ABAT: variants seen among roughly 807,000 people sequenced by gnomAD.
The protein encoded by ABAT is 4-aminobutyrate aminotransferase, mitochondrial.
Under a neutral mutation model 64.6 loss-of-function variants are expected in ABAT, and 45 were observed. The ratio of observed to expected loss-of-function variants is 0.70; its 90% CI spans 0.55 to 0.89. The LOEUF (loss-of-function observed/expected upper bound fraction) is 0.89. ABAT is among the 40% of genes least tolerant of loss of function. The pLI is 0.00. For synonymous variants in ABAT, 297 were observed against 250.5 expected (o/e 1.19, Z -1.75); for missense variants, 633 against 658.4 (o/e 0.96, Z 0.42).
chr16:8,768,666 A>G (rs1164533348), intron 10 of ABAT, among the ~76,000 whole-genome samples, 159 bp from the exon 11 acceptor site: 1 of 152,184 alleles, frequency 6.6e-6, no homozygotes, highest in African/African-American at 2.4e-5. Flanking sequence ...ACCCAGAAAA[A>G]TTAAAAATTA....
chr16:8,738,016 G>GA (rs377342959), intron 2 of ABAT, among the ~76,000 whole-genome samples: 1 of 57,680 alleles, frequency 1.7e-5, no homozygotes, highest in African/African-American at 6.7e-5. Context: ...AAGAAAGAAA[G>GA]GAAAGAAAGA....
rs1489633416 is a variant in ABAT, at chr16:8,768,853, C to A, written c.696C>A (p.Ala232=). The change falls in exon 11 of 16, where the codon GCC becomes GCA. Residue 232 remains alanine (A), a synonymous_variant. Transcript: ENST00000268251. The part of the protein sequence containing the change: ...MGCLATTHSK[A]IHKIDIPSFD... ...GCTTAGCGACCACGCACTCTAAAGC[C>A]ATTCACAAGATCGACATCCCTTCCT... 1 of 1,614,216 alleles carries A rather than the reference C, an allele frequency of 6.2e-7. No homozygotes were observed. The highest frequency in any genetic ancestry group is 1.7e-5 in the Admixed American group (1 of 60,014).
chr16:8,704,018 T>A (rs1476977717), intron 1 of ABAT, among the ~76,000 whole-genome samples: 1 of 152,218 alleles, frequency 6.6e-6, no homozygotes, highest in Non-Finnish European at 1.5e-5. Flanking sequence ...TTCCTGGCCT[T>A]CCAGAAATTT....
chr16:8,724,757 A>G (rs2058489141), intron 1 of ABAT, among the ~76,000 whole-genome samples: 2 of 129,662 alleles, frequency 1.5e-5, no homozygotes, highest in East Asian at 4.1e-4. Flanking sequence ...AAAAAAAAAA[A>G]AAAAAAAAAA....
intron 10 of ABAT, among the ~76,000 whole-genome samples, 197 bp from the exon 11 acceptor site, chr16:8,768,628 A>C (rs2060014110): frequency 6.6e-6 from 1 of 152,076 alleles, no homozygotes; most frequent in African/African-American, 2.4e-5. Context: ...CATCTCATGT[A>C]CTCCCCAAGT....
At chr16:8,700,437 C>T (rs1393157135) in intron 1 of ABAT, among the ~76,000 whole-genome samples, 1 of 152,010 alleles carries the variant, frequency 6.6e-6, no homozygotes, top group Non-Finnish European at 1.5e-5. Context: ...TAGACCGTCC[C>T]CAGCCCCCAG....
chr16:8,684,226 T>C (rs573664658), intron 1 of ABAT, among the ~76,000 whole-genome samples: 4 of 152,084 alleles, frequency 2.6e-5, no homozygotes, highest in Admixed American at 6.6e-5. Context: ...GAGAGCATCA[T>C]GAACAGGCCC....
intron 11 of ABAT, among the ~76,000 whole-genome samples, chr16:8,772,240 TTCTC>T (rs940198761): frequency 1.3e-4 from 18 of 142,594 alleles, no homozygotes; most frequent in East Asian, 4.0e-4. Flanking sequence ...CTGCTGTATT[TTCTC>T]TCTGTCTCTG....
intron 6 of ABAT, among the ~76,000 whole-genome samples, chr16:8,758,398 G>A (rs929781937): frequency 7.9e-5 from 12 of 152,134 alleles, no homozygotes; most frequent in African/African-American, 2.7e-4. Context: ...GCCACGAGTC[G>A]GGAGGAATGG....
chr16:8,754,560 G>A (rs570215128), intron 5 of ABAT, among the ~76,000 whole-genome samples: 8 of 152,198 alleles, frequency 5.3e-5, no homozygotes, highest in South Asian at 2.1e-4. Flanking sequence ...CAGCAAGCTC[G>A]TTTTGCACAA....
At chr16:8,739,269 A>C (rs1002896456) in intron 2 of ABAT, among the ~76,000 whole-genome samples, 1 of 152,248 alleles carries the variant, frequency 6.6e-6, no homozygotes, top group Non-Finnish European at 1.5e-5. Flanking sequence ...GAAGAGCACT[A>C]GGTCAAGATT....
chr16:8,711,972 G>A (rs1379153318), intron 1 of ABAT, among the ~76,000 whole-genome samples: 1 of 147,940 alleles, frequency 6.8e-6, no homozygotes, highest in South Asian at 2.2e-4. Flanking sequence ...AGGTGCGGTG[G>A]CTCATGCCTG....
chr16:8,694,327 C>G lies in ABAT; in HGVS notation c.-42+19616C>G, dbSNP rs112735964. On this transcript the variant is annotated intron_variant, in intron 1 of 15. Coordinates refer to ENST00000268251, the MANE Select transcript of ABAT (RefSeq NM_020686.6). Reference sequence around the variant, plus strand: ...CGTGAGCCACCGCGCCCGGCCCACTCCATCCATTTTATTCAGATTTCCCCA... The same window carrying G: ...CGTGAGCCACCGCGCCCGGCCCACTGCATCCATTTTATTCAGATTTCCCCA... Among the ~76,000 whole-genome samples, 264 of 152,006 alleles carry G rather than the reference C, an allele frequency of 1.7e-3. 3 individuals carry two copies. The highest frequency in any genetic ancestry group is 6.2e-3 in the African/African-American group (258 of 41,502).
chr16:8,764,880 C>A lies in ABAT; in HGVS notation c.540+50C>A. 6.8e-7 allele frequency: 1 copy of A among 1,472,384 alleles called. No individual in the cohort carries two copies. Among genetic ancestry groups the A allele is most frequent in the Non-Finnish European group, 9.5e-7 (1 of 1,052,044 alleles). The allele number at this position is 1,472,384 out of a possible 1,614,324, so 91.2% of individuals were successfully genotyped here. A position where few individuals can be genotyped will look rare whatever the true frequency, so the allele number is the denominator to read the frequency against. On this transcript the variant is annotated intron_variant, in intron 8 of 15. Coordinates refer to ENST00000268251, the MANE Select transcript of ABAT (RefSeq NM_020686.6). The surrounding 1 kb of genome is among the most constrained non-coding windows in gnomAD (Gnocchi z 4.2). Reference sequence around the variant, plus strand: ...ACACACACACAGGCTCCCCAGCACCCAGCCACACGCTCACCCCTTGTCTGA... The same window carrying A: ...ACACACACACAGGCTCCCCAGCACCAAGCCACACGCTCACCCCTTGTCTGA...
At chr16:8,765,029 G>A (rs979963800) in intron 8 of ABAT, among the ~76,000 whole-genome samples, 199 bp downstream of exon 8, 3 of 152,058 alleles carry the variant, frequency 2.0e-5, no homozygotes, top group Non-Finnish European at 4.4e-5. Context: ...TGAGGCTTTG[G>A]CATCAAAACT....
rs1224461732 is a variant in ABAT at position 8,768,162 on chromosome 16, A to T, written c.604-31A>T. 5.6e-6 allele frequency: 9 copies of T among 1,606,216 alleles called. No homozygotes were observed. The South Asian group carries it at 8.8e-5, about 16-fold the overall frequency. On this transcript the variant is annotated intron_variant, in intron 9 of 15. Transcript: ENST00000268251. ...ATACAGTTCCCCCATCCTTACAACT[A>T]TGACTAATGACTGATATTTCTTGGT... is the stretch of plus-strand genomic sequence containing the variant.
chr16:8,719,975 C>T (rs985223035), intron 1 of ABAT, among the ~76,000 whole-genome samples: 2 of 152,142 alleles, frequency 1.3e-5, no homozygotes, highest in Non-Finnish European at 2.9e-5. Context: ...CCACGCCCAG[C>T]TGATTTCTGT....
intron 1 of ABAT, among the ~76,000 whole-genome samples, chr16:8,703,249 C>G (rs902547179): frequency 1.3e-5 from 2 of 152,000 alleles, no homozygotes; most frequent in African/African-American, 4.8e-5. Flanking sequence ...GAGTTCAAGA[C>G]CAGCCTGGAG....
In ABAT at chr16:8,753,092, C is replaced by A. The variant is rs115453669; in HGVS notation, c.316+2553C>A. On this transcript the variant is annotated intron_variant, in intron 5 of 15. Coordinates refer to ENST00000268251, the MANE Select transcript of ABAT (RefSeq NM_020686.6). ...CAACTCTCTGCCTCCCAAGCTTATTCTTTTTTTTTTTTTTTTTTTTAGACG... is the reference window on the plus strand; with the variant it reads ...CAACTCTCTGCCTCCCAAGCTTATTATTTTTTTTTTTTTTTTTTTTAGACG... Among the ~76,000 whole-genome samples, 4 of 127,540 alleles carry A rather than the reference C, an allele frequency of 3.1e-5. No homozygotes were observed. The South Asian group carries it at 7.8e-4, about 25-fold the overall frequency. 83.7% of individuals were successfully genotyped at this position (127,540 alleles called of 152,430 possible).
Sources: allele counts gnomAD v4.1 joint callset (sites outside exome capture counted in the v4.1 genomes callset), GRCh38; gene constraint gnomAD v4.1.1; non-coding constraint Gnocchi (gnomAD v3.1); transcripts MANE v1.5; gene names NCBI Gene and HGNC (gene_info 2026-07-23, HGNC 2026-07-21).